The following SERPINB12 variants were observed in gnomAD, a reference collection of about 807,000 sequenced individuals.
SERPINB12 encodes serpin B12.
Under a neutral mutation model 41.1 loss-of-function variants are expected in SERPINB12, and 57 were observed. That is an observed-to-expected ratio of 1.39 (90% CI 1.12 to 1.73). SERPINB12 has a LOEUF of 1.73. Ranked by LOEUF, SERPINB12 falls within the 40% of genes most tolerant of loss-of-function variation. The pLI is 0.00. For missense variants in SERPINB12, 536 were observed against 501.9 expected, an observed-to-expected ratio of 1.07 and a Z score of -0.65; for synonymous variants, 180 against 181.3, an observed-to-expected ratio of 0.99 and a Z score of 0.06.
chr18:63,530,334 T>TA, the SERPINB12 span, among the ~76,000 whole-genome samples: 1 of 152,318 alleles, frequency 6.6e-6, no homozygotes, highest in East Asian at 1.9e-4. Flanking sequence ...TCTCTACAGT[T>TA]ACACTGCCAT....
the SERPINB12 span, among the ~76,000 whole-genome samples, chr18:63,521,784 G>C: frequency 3.3e-5 from 5 of 152,214 alleles, no homozygotes; most frequent in African/African-American, 1.2e-4. Context: ...GTGGTCTAGT[G>C]AAGTTTTGGT....
the SERPINB12 span, among the ~76,000 whole-genome samples, chr18:63,519,177 G>A: frequency 1.3e-5 from 2 of 152,238 alleles, no homozygotes; most frequent in South Asian, 4.2e-4. Context: ...ATGAGCATCC[G>A]TCCACAGGTA....
At chr18:63,533,136 C>T in the SERPINB12 span, among the ~76,000 whole-genome samples, 1 of 152,088 alleles carries the variant, frequency 6.6e-6, no homozygotes, top group Non-Finnish European at 1.5e-5. Flanking sequence ...CACCACCATG[C>T]CTGGCTAATT....
chr18:63,556,609 T>A (rs1910689091), intron 2 of SERPINB12, among the ~76,000 whole-genome samples: 1 of 152,264 alleles, frequency 6.6e-6, no homozygotes, highest in East Asian at 1.9e-4. Flanking sequence ...TCTGTATGCA[T>A]GTCTGTCACT....
At position 63,566,785 on chromosome 18, in the gene SERPINB12, C is replaced by G; in HGVS notation, c.1052C>G (p.Thr351Ser). ...TTTGATGAAACGAGGGCTGATCTTA[C>G]TGGAATCTCTCCAAGTCCCAATTTG... The part of the protein sequence containing the change: ...DIFDETRADL[T>S]GISPSPNLYL... The change falls in exon 8 of 8, where the codon ACT becomes AGT. Residue 351 changes from threonine (T) to serine (S), a missense_variant. By Grantham distance (58) the Thr-to-Ser change is moderately conservative. Transcript: ENST00000382768. 1.2e-6 allele frequency: 2 copies of G among 1,614,088 alleles called. No individual in the cohort carries two copies. The highest frequency in any genetic ancestry group is 1.7e-6 in the Non-Finnish European group (2 of 1,180,000).
At chr18:63,547,562 G>T (rs1170508383) in intron 1 of SERPINB12, among the ~76,000 whole-genome samples, 1 of 151,916 alleles carries the variant, frequency 6.6e-6, no homozygotes, top group Non-Finnish European at 1.5e-5. Flanking sequence ...GAAATTATAA[G>T]ACATGAAATA....
At chr18:63,562,521 C>T (rs959929258) in intron 5 of SERPINB12, among the ~76,000 whole-genome samples, 2 of 152,170 alleles carry the variant, frequency 1.3e-5, no homozygotes, top group Non-Finnish European at 2.9e-5. Context: ...CGGTTCCTCC[C>T]TTCCATTTGG....
intron 1 of SERPINB12, among the ~76,000 whole-genome samples, chr18:63,544,183 A>T (rs948410198): frequency 5.9e-5 from 9 of 152,214 alleles, no homozygotes; most frequent in African/African-American, 2.2e-4. Context: ...CATAGACAGT[A>T]ATAAATGAAT....
At chr18:63,519,880 C>T in the SERPINB12 span, among the ~76,000 whole-genome samples, 1 of 152,160 alleles carries the variant, frequency 6.6e-6, no homozygotes, top group Non-Finnish European at 1.5e-5. Context: ...TTGAAATAAG[C>T]ATCACGGGTG....
chr18:63,564,216 A>G lies in SERPINB12; in HGVS notation c.705+96A>G, dbSNP rs565326810. ...GTATACTCGAAAAGTTACAGCTTACATTTACAATAAGAACATTTTTCGTTG... is the reference window on the plus strand; with the variant it reads ...GTATACTCGAAAAGTTACAGCTTACGTTTACAATAAGAACATTTTTCGTTG... On this transcript the variant is annotated intron_variant, in intron 6 of 7. Transcript: ENST00000382768. 5 of 1,301,044 alleles carry G rather than the reference A, an allele frequency of 3.8e-6. No homozygotes were observed. In the African/African-American group the frequency reaches 5.9e-5, roughly 15 times the overall value. The allele number at this position is 1,301,044 out of a possible 1,614,324, so 80.6% of individuals were successfully genotyped here.
the SERPINB12 span, among the ~76,000 whole-genome samples, chr18:63,521,900 C>T: frequency 1.8e-4 from 27 of 152,200 alleles, no homozygotes; most frequent in East Asian, 4.8e-3. Flanking sequence ...AGCATTGCAG[C>T]TAGATATTGG....
intron 7 of SERPINB12, 103 bp from the exon 8 acceptor site, chr18:63,566,504 G>T: frequency 2.1e-6 from 2 of 964,540 alleles, no homozygotes; most frequent in Non-Finnish European, 3.1e-6. Context: ...GGTCTTGAAG[G>T]TTGTCACTGC....
the SERPINB12 span, among the ~76,000 whole-genome samples, chr18:63,521,205 C>A: frequency 6.6e-6 from 1 of 152,108 alleles, no homozygotes; most frequent in Non-Finnish European, 1.5e-5. Flanking sequence ...TGAAAAAAAT[C>A]CCTTCTTGCC....
At chr18:63,544,859 A>G (rs12963168) in intron 1 of SERPINB12, among the ~76,000 whole-genome samples, 88,921 of 152,014 alleles carry the variant, frequency 0.58, 27,957 homozygotes, top group Middle Eastern at 0.72. Context: ...GCATTTTTTC[A>G]TTAGGTTGAA....
At chr18:63,537,075 G>C in the SERPINB12 span, among the ~76,000 whole-genome samples, 1 of 152,094 alleles carries the variant, frequency 6.6e-6, no homozygotes, top group South Asian at 2.1e-4. Context: ...GAACAACTAT[G>C]TAAATATAAA....
chr18:63,528,785 C>T, the SERPINB12 span, among the ~76,000 whole-genome samples: 4 of 152,070 alleles, frequency 2.6e-5, no homozygotes, highest in Admixed American at 2.6e-4. Context: ...GAGTACTCTC[C>T]AAAAGGACAC....
chr18:63,558,819 A>G (rs1910769048), intron 3 of SERPINB12, among the ~76,000 whole-genome samples: 1 of 152,128 alleles, frequency 6.6e-6, no homozygotes, highest in Admixed American at 6.6e-5. Flanking sequence ...CAGCTGTGGA[A>G]TTCTTACTGT....
At chr18:63,564,700 C>T (rs1461562471) in intron 6 of SERPINB12, among the ~76,000 whole-genome samples, 1 of 152,148 alleles carries the variant, frequency 6.6e-6, no homozygotes, top group Non-Finnish European at 1.5e-5. Flanking sequence ...GGAGATGATT[C>T]TCACTTAACA....
chr18:63,546,682 G>A (rs886831122), intron 1 of SERPINB12, among the ~76,000 whole-genome samples: 2 of 152,138 alleles, frequency 1.3e-5, no homozygotes, highest in African/African-American at 4.8e-5. Context: ...TGCTTTGAGG[G>A]CTCTATAAAA....
Sources: allele counts gnomAD v4.1 joint callset (sites outside exome capture counted in the v4.1 genomes callset), GRCh38; gene constraint gnomAD v4.1.1; transcripts MANE v1.5; gene names NCBI Gene and HGNC (gene_info 2026-07-23, HGNC 2026-07-21).